The following RNF169 variants were observed in gnomAD, a reference collection of about 807,000 sequenced individuals.
RNF169 encodes the protein ring finger protein 169, also known as E3 ubiquitin-protein ligase RNF169.
RNF169 carries 24 observed loss-of-function variants against 53.9 expected under a neutral mutation model. That is an observed-to-expected ratio of 0.45 (90% CI 0.32 to 0.63). The LOEUF is 0.63. Among genes scored for constraint, RNF169 ranks in the 20% least tolerant of loss-of-function variants. The pLI, the probability that RNF169 is intolerant of heterozygous loss-of-function variation, is 0.04. For missense variants in RNF169, 883 were observed against 906.2 expected (o/e 0.97, Z 0.33); for synonymous variants, 396 against 363.5 (o/e 1.09, Z -1.02).
At position 74,761,782 on chromosome 11, in the gene RNF169, T is replaced by C. The variant is rs1340640943; in HGVS notation, c.502+12400T>C. On this transcript the variant is annotated intron_variant, in intron 1 of 5. Transcript: ENST00000299563. ...TTGGTGAATCTGACAATTATGTGTCTTGGAGTTGCTCTTCTCGAGGAGTAT... is the reference window on the plus strand; with the variant it reads ...TTGGTGAATCTGACAATTATGTGTCCTGGAGTTGCTCTTCTCGAGGAGTAT... Among the ~76,000 whole-genome samples, 17 of 149,180 alleles carry C rather than the reference T, an allele frequency of 1.1e-4. No individual in the cohort carries two copies. The East Asian group carries it at 3.2e-3, about 28-fold the overall frequency.
chr11:74,781,980 A>G (rs1328427398), intron 1 of RNF169, among the ~76,000 whole-genome samples: 4 of 152,232 alleles, frequency 2.6e-5, no homozygotes, highest in Admixed American at 2.6e-4. Context: ...ACTGCCAACC[A>G]CTGTAATGAT....
chr11:74,765,065 C>T (rs1237121872), intron 1 of RNF169, among the ~76,000 whole-genome samples: 1 of 151,976 alleles, frequency 6.6e-6, no homozygotes, highest in Non-Finnish European at 1.5e-5. Context: ...TCAAGTTAGC[C>T]AGATGTGGTG....
chr11:74,777,401 T>TG (rs2035351839), intron 1 of RNF169, among the ~76,000 whole-genome samples: 1 of 152,194 alleles, frequency 6.6e-6, no homozygotes, highest in South Asian at 2.1e-4. Flanking sequence ...CACATGGGCT[T>TG]GGTCTGCCTA....
At chr11:74,749,475 T>G (rs2034850480) in intron 1 of RNF169, 93 bp downstream of exon 1, 7 of 946,536 alleles carry the variant, frequency 7.4e-6, no homozygotes, top group Non-Finnish European at 1.3e-6. Context: ...CGGGCCCTAC[T>G]CGGGCGGGTG....
At chr11:74,821,117 C>T (rs978397686) in intron 4 of RNF169, among the ~76,000 whole-genome samples, 1 of 152,206 alleles carries the variant, frequency 6.6e-6, no homozygotes, top group Non-Finnish European at 1.5e-5. Flanking sequence ...AACTCTGTGA[C>T]AAAAGGCCCT....
rs775114013 is a variant in RNF169 at position 74,817,703 on chromosome 11, T to C, written c.831T>C (p.Ala277=). The change falls in exon 4 of 6, where the codon GCT becomes GCC. Residue 277 remains alanine (A), a synonymous_variant. Transcript: ENST00000299563. ...CCAAGAACAACTCCTACTCCTTAGCTTTCCTGGCAGGGTAAGAGACTGATG... is the reference window on the plus strand; with the variant it reads ...CCAAGAACAACTCCTACTCCTTAGCCTTCCTGGCAGGGTAAGAGACTGATG... ...FVSKNNSYSL[A]FLAGKLNSKV... is the part of the protein sequence containing the mutation. 4.4e-6 allele frequency: 7 copies of C among 1,608,290 alleles called. No individual in the cohort carries two copies. Among genetic ancestry groups the C allele is most frequent in the Non-Finnish European group, 6.0e-6 (7 of 1,174,644 alleles).
rs191957762 is a variant in RNF169 at position 74,789,505 on chromosome 11, G to T, written c.503-121G>T. On this transcript the variant is annotated intron_variant, in intron 1 of 5. Transcript: ENST00000299563. ...TTTTTGATAGTATTTAAGACTTAGC[G>T]TTTATTCTGTTCTTAGCTTTGATTT... 2.3e-3 allele frequency: 1,410 copies of T among 610,240 alleles called. 3 individuals carry two copies. The highest frequency in any genetic ancestry group is 5.6e-3 in the Admixed American group (213 of 38,092). The allele number at this position is 610,240 out of a possible 1,614,324, so 37.8% of individuals were successfully genotyped here.
intron 3 of RNF169, among the ~76,000 whole-genome samples, chr11:74,814,231 G>T (rs1037681772): frequency 6.6e-6 from 1 of 151,948 alleles, no homozygotes; most frequent in Non-Finnish European, 1.5e-5. Context: ...CTGGGAGGCT[G>T]AGGCAGGAGA....
chr11:74,774,368 C>T (rs1395262904), intron 1 of RNF169, among the ~76,000 whole-genome samples: 1 of 149,028 alleles, frequency 6.7e-6, no homozygotes. Context: ...CCCAAAAAAA[C>T]AAGAAACAAA....
intron 2 of RNF169, among the ~76,000 whole-genome samples, chr11:74,792,280 T>C (rs2035590075): frequency 6.6e-6 from 1 of 152,200 alleles, no homozygotes; most frequent in South Asian, 2.1e-4. Flanking sequence ...TTACTTCTAA[T>C]AGATCTTTTT....
intron 4 of RNF169, among the ~76,000 whole-genome samples, chr11:74,833,749 T>G (rs2036212133): frequency 1.3e-5 from 2 of 152,132 alleles, no homozygotes; most frequent in South Asian, 4.1e-4. Context: ...AGTTGAGGAA[T>G]GGGGAAACAA....
At chr11:74,769,040 A>T (rs1484937490) in intron 1 of RNF169, among the ~76,000 whole-genome samples, 1 of 149,176 alleles carries the variant, frequency 6.7e-6, no homozygotes, top group Non-Finnish European at 1.5e-5. Context: ...CAAAAGAAAC[A>T]AAACAAAACA....
At chr11:74,825,088 TA>T (rs1382304550) in intron 4 of RNF169, among the ~76,000 whole-genome samples, 1 of 152,138 alleles carries the variant, frequency 6.6e-6, no homozygotes, top group Non-Finnish European at 1.5e-5. Flanking sequence ...GACTTCAGGT[TA>T]AAAATTGTTA....
chr11:74,814,079 G>A (rs2035911349), intron 3 of RNF169, among the ~76,000 whole-genome samples: 1 of 151,982 alleles, frequency 6.6e-6, no homozygotes, highest in African/African-American at 2.4e-5. Flanking sequence ...CCAGCACTTT[G>A]GGAGGCTGAG....
chr11:74,784,942 G>C (rs1423576998), intron 1 of RNF169, among the ~76,000 whole-genome samples: 1 of 152,074 alleles, frequency 6.6e-6, no homozygotes, highest in Non-Finnish European at 1.5e-5. Context: ...GTGTGCACTT[G>C]TGCATATGCA....
intron 1 of RNF169, among the ~76,000 whole-genome samples, chr11:74,782,427 T>C (rs2035429180): frequency 6.6e-6 from 1 of 152,156 alleles, no homozygotes; most frequent in African/African-American, 2.4e-5. Flanking sequence ...TGAACCCTAT[T>C]GTGAACTGTG....
intron 1 of RNF169, among the ~76,000 whole-genome samples, chr11:74,788,665 G>T (rs539803773): frequency 1.3e-5 from 2 of 152,274 alleles, no homozygotes; most frequent in South Asian, 4.1e-4. Flanking sequence ...GAAGTGCTTG[G>T]ATTACAGGTG....
At chr11:74,773,904 C>T (rs1347675480) in intron 1 of RNF169, among the ~76,000 whole-genome samples, 2 of 152,086 alleles carry the variant, frequency 1.3e-5, no homozygotes, top group Non-Finnish European at 2.9e-5. Context: ...AAGTAAATAC[C>T]TAATAAATAT....
At chr11:74,773,657 A>T (rs2035289986) in intron 1 of RNF169, among the ~76,000 whole-genome samples, 1 of 152,188 alleles carries the variant, frequency 6.6e-6, no homozygotes, top group Non-Finnish European at 1.5e-5. Context: ...TTTTCACTAA[A>T]TACTTCAGTG....
Sources: allele counts gnomAD v4.1 joint callset (sites outside exome capture counted in the v4.1 genomes callset), GRCh38; gene constraint gnomAD v4.1.1; transcripts MANE v1.5; gene names NCBI Gene and HGNC (gene_info 2026-07-23, HGNC 2026-07-21).